Variants in RNF157 observed in about 807,000 individuals in gnomAD.
RNF157 encodes the protein E3 ubiquitin ligase RNF157.
In RNF157, 55 loss-of-function variants were observed where a neutral mutation model predicts 88.3. That is an observed-to-expected ratio of 0.62 (90% CI 0.50 to 0.78). The LOEUF is 0.78. Ranked by LOEUF, RNF157 falls within the 30% of genes least tolerant of loss-of-function variation. RNF157 has a pLI of 0.00. For missense variants in RNF157, 788 were observed against 860.8 expected, an observed-to-expected ratio of 0.92 and a Z score of 1.06; for synonymous variants, 334 against 341.2, an observed-to-expected ratio of 0.98 and a Z score of 0.23.
intron 2 of RNF157, among the ~76,000 whole-genome samples, chr17:76,196,725 T>C (rs1311244014): frequency 6.6e-6 from 1 of 152,030 alleles, no homozygotes; most frequent in Admixed American, 6.6e-5. Flanking sequence ...CTACCCCTTC[T>C]CCAAGAACTG....
At chr17:76,218,638 A>G (rs916349102) in intron 1 of RNF157, among the ~76,000 whole-genome samples, 1 of 151,890 alleles carries the variant, frequency 6.6e-6, no homozygotes, top group Non-Finnish European at 1.5e-5. Context: ...CTCTGTCTCA[A>G]TAAAGGAAAA....
At chr17:76,185,871 T>C (rs2069278686) in intron 2 of RNF157, among the ~76,000 whole-genome samples, 1 of 152,174 alleles carries the variant, frequency 6.6e-6, no homozygotes, top group African/African-American at 2.4e-5. Flanking sequence ...GAATACACTT[T>C]TAAGCAGCAG....
intron 1 of RNF157, among the ~76,000 whole-genome samples, chr17:76,223,857 C>T (rs989829575): frequency 2.0e-5 from 3 of 152,200 alleles, no homozygotes; most frequent in Non-Finnish European, 4.4e-5. Context: ...AATGTTAGAA[C>T]ATGCAGTGTT....
At position 76,195,677 on chromosome 17, in the gene RNF157, C is replaced by T. The variant is rs2069466394; in HGVS notation, c.207+16687G>A. ...TATGGTGTATTCACACAATGAAATA[C>T]TATGCAGCAATGGAAATGAACCGTA... On this transcript the variant is annotated intron_variant, in intron 2 of 18. Coordinates refer to ENST00000269391, the MANE Select transcript of RNF157 (RefSeq NM_052916.3). The surrounding 1 kb of genome is among the most constrained non-coding windows in gnomAD (Gnocchi z 4.4). 6.6e-6 allele frequency among the ~76,000 whole-genome samples: 1 copy of T among 152,142 alleles called. No individual in the cohort carries two copies. The highest frequency in any genetic ancestry group is 6.5e-5 in the Admixed American group (1 of 15,270).
At chr17:76,165,628 T>C in intron 6 of RNF157, 83 bp from the exon 7 acceptor site, 1 of 1,467,334 alleles carries the variant, frequency 6.8e-7, no homozygotes, top group Non-Finnish European at 9.5e-7. Flanking sequence ...CCCTGCAATC[T>C]GGCAAACCAA....
At chr17:76,233,385 G>T (rs531759858) in intron 1 of RNF157, among the ~76,000 whole-genome samples, 1 of 151,910 alleles carries the variant, frequency 6.6e-6, no homozygotes, top group Admixed American at 6.6e-5. Context: ...TTTTAATTTC[G>T]AAGAAATCCA....
intron 8 of RNF157, chr17:76,164,491 C>T (rs2068891707): frequency 3.2e-6 from 1 of 314,916 alleles, no homozygotes; most frequent in Non-Finnish European, 5.7e-6. Flanking sequence ...GCTCCCTCAA[C>T]ACCAACACTT....
chr17:76,232,924 A>G (rs539786520), intron 1 of RNF157, among the ~76,000 whole-genome samples: 4 of 134,766 alleles, frequency 3.0e-5, no homozygotes, highest in South Asian at 2.3e-4. Context: ...GAAATCTCGC[A>G]TATTTTTTTT....
chr17:76,156,458 G>C, intron 13 of RNF157, 137 bp from the exon 14 acceptor site: 4 of 1,462,748 alleles, frequency 2.7e-6, no homozygotes, highest in South Asian at 1.4e-5. Context: ...GCATGCAGAG[G>C]CCGCAGCTTC....
intron 1 of RNF157, among the ~76,000 whole-genome samples, chr17:76,228,781 C>A (rs1301340243): frequency 6.6e-6 from 1 of 151,900 alleles, no homozygotes; most frequent in East Asian, 1.9e-4. Flanking sequence ...CTTAGCCGGG[C>A]GTGGTGGTGG....
intron 1 of RNF157, among the ~76,000 whole-genome samples, chr17:76,212,810 G>A (rs990335213): frequency 1.3e-5 from 2 of 152,080 alleles, no homozygotes; most frequent in African/African-American, 2.4e-5. Context: ...GCAGTGAGCC[G>A]AGATCCTAGC....
chr17:76,210,383 GATC>G, intron 2 of RNF157, among the ~76,000 whole-genome samples: 2 of 151,860 alleles, frequency 1.3e-5, no homozygotes, highest in African/African-American at 4.8e-5. Context: ...CACGAGGTCA[GATC>G]GAGACCATCC....
chr17:76,203,763 T>C (rs2069628352), intron 2 of RNF157, among the ~76,000 whole-genome samples: 1 of 137,278 alleles, frequency 7.3e-6, no homozygotes, highest in Admixed American at 7.2e-5. Flanking sequence ...GTAAAAAGTT[T>C]TGTTGCTTTT....
rs1354618233 is a variant in RNF157 at position 76,157,910 on chromosome 17, C to T, written c.1413+483G>A. Among the ~76,000 whole-genome samples, 2 of 152,004 alleles carry T rather than the reference C, an allele frequency of 1.3e-5. No individual in the cohort carries two copies. Among genetic ancestry groups the T allele is most frequent in the East Asian group, 1.9e-4 (1 of 5,186 alleles). On this transcript the variant is annotated intron_variant, in intron 13 of 18. Coordinates refer to ENST00000269391, the MANE Select transcript of RNF157 (RefSeq NM_052916.3). The surrounding 1 kb of genome is among the most constrained non-coding windows in gnomAD (Gnocchi z 5.6). Reference sequence around the variant, plus strand: ...CCCCACTTACCCCCAGGACTTTCTCCTTGCTGTTCCCAGACCTAGGGCCCT... The same window carrying T: ...CCCCACTTACCCCCAGGACTTTCTCTTTGCTGTTCCCAGACCTAGGGCCCT...
In RNF157 at chr17:76,159,478, G is replaced by A. The variant is rs932721742; in HGVS notation, c.1161C>T (p.His387=). 6.8e-6 allele frequency: 11 copies of A among 1,609,672 alleles called. No individual in the cohort carries two copies. The South Asian group carries it at 1.0e-4, about 15-fold the overall frequency. Residue 387 remains histidine (H), a synonymous_variant, in exon 12 of 19, where the codon CAC becomes CAT. Coordinates refer to ENST00000269391, the MANE Select transcript of RNF157 (RefSeq NM_052916.3). The stretch of plus-strand genomic sequence containing the variant: ...CTGAGAGGTGGCCATCTCCAAGCAC[G>A]TGAAGTGGAGGAACTGCTGGGGACG... The part of the protein sequence containing the change: ...LTPSPAVPPL[H]VLGDGHLSGM...
intron 2 of RNF157, among the ~76,000 whole-genome samples, chr17:76,200,517 A>G (rs570139866): frequency 6.6e-6 from 1 of 152,324 alleles, no homozygotes; most frequent in South Asian, 2.1e-4. Context: ...AGAGTAGTCA[A>G]ACTCATAGAG....
At chr17:76,194,439 G>A (rs2069439688) in intron 2 of RNF157, among the ~76,000 whole-genome samples, 1 of 152,192 alleles carries the variant, frequency 6.6e-6, no homozygotes, top group Non-Finnish European at 1.5e-5. Flanking sequence ...GGGAAGGGCG[G>A]TAAATTCACT....
At chr17:76,236,156 C>T (rs1289876885) in intron 1 of RNF157, among the ~76,000 whole-genome samples, 1 of 152,214 alleles carries the variant, frequency 6.6e-6, no homozygotes, top group Admixed American at 6.5e-5. Context: ...GGTCAGGACT[C>T]TGATTACCAT....
At chr17:76,232,352 C>T (rs1276861395) in intron 1 of RNF157, among the ~76,000 whole-genome samples, 3 of 151,814 alleles carry the variant, frequency 2.0e-5, no homozygotes, top group Non-Finnish European at 4.4e-5. Context: ...CGCACCACTG[C>T]ACTCCAGCCT....
Sources: allele counts gnomAD v4.1 joint callset (sites outside exome capture counted in the v4.1 genomes callset), GRCh38; gene constraint gnomAD v4.1.1; non-coding constraint Gnocchi (gnomAD v3.1); transcripts MANE v1.5; gene names NCBI Gene and HGNC (gene_info 2026-07-23, HGNC 2026-07-21).